Variants in HYDIN observed in about 807,000 individuals in gnomAD.
HYDIN encodes HYDIN axonemal central pair apparatus protein, also known as axonemal central pair apparatus protein HYDIN.
HYDIN carries 132 observed loss-of-function variants against 403.9 expected under a neutral mutation model. That is an observed-to-expected ratio of 0.33 (90% CI 0.28 to 0.38). The LOEUF is 0.38. Ranked by LOEUF, HYDIN falls within the 10% of genes least tolerant of loss-of-function variation. HYDIN has a pLI of 1.00. For missense variants in HYDIN, 2,827 were observed against 5,009.5 expected, an observed-to-expected ratio of 0.56 and a Z score of 13.15; for synonymous variants, 1,202 against 1,891.7, an observed-to-expected ratio of 0.64 and a Z score of 9.46.
intron 76 of HYDIN, among the ~76,000 whole-genome samples, chr16:70,838,493 G>C (rs1246468471): frequency 6.6e-6 from 1 of 152,006 alleles, no homozygotes; most frequent in Non-Finnish European, 1.5e-5. Context: ...CCTGATTCTC[G>C]ATTTCTTGAT....
At chr16:71,191,715 G>A (rs1277706041) in intron 1 of HYDIN, among the ~76,000 whole-genome samples, 1 of 151,982 alleles carries the variant, frequency 6.6e-6, no homozygotes, top group Non-Finnish European at 1.5e-5. Context: ...TGCCATTCTA[G>A]AGGGTTTATC....
chr16:70,812,020 A>C (rs1355687341), intron 84 of HYDIN, among the ~76,000 whole-genome samples: 33 of 95,914 alleles, frequency 3.4e-4, no homozygotes, highest in African/African-American at 1.3e-3. Context: ...GGATGAAAGA[A>C]TACTAGTATT....
chr16:71,067,695 G>A (rs1202865662), intron 14 of HYDIN, among the ~76,000 whole-genome samples: 11 of 151,950 alleles, frequency 7.2e-5, no homozygotes, highest in African/African-American at 7.3e-5. Context: ...GAGCAACATC[G>A]AACCAACTTT....
intron 2 of HYDIN, among the ~76,000 whole-genome samples, 198 bp from the exon 3 acceptor site, chr16:71,185,188 G>A (rs572824471): frequency 2.6e-5 from 4 of 152,150 alleles, no homozygotes; most frequent in East Asian, 1.9e-4. Context: ...GTCTTTGCAC[G>A]GTAATTGAAA....
intron 18 of HYDIN, among the ~76,000 whole-genome samples, chr16:71,058,337 G>A (rs1253823542): frequency 7.3e-6 from 1 of 136,236 alleles, no homozygotes; most frequent in African/African-American, 2.7e-5. Flanking sequence ...GTAAACTATC[G>A]CAAGAACAAA....
intron 18 of HYDIN, among the ~76,000 whole-genome samples, chr16:71,051,117 A>G (rs1421389241): frequency 6.6e-6 from 1 of 151,390 alleles, no homozygotes; most frequent in Non-Finnish European, 1.5e-5. Flanking sequence ...AAATAATAGT[A>G]TATTATAATT....
At chr16:71,226,214 C>A (rs1306610333) in intron 1 of HYDIN, among the ~76,000 whole-genome samples, 2 of 152,280 alleles carry the variant, frequency 1.3e-5, no homozygotes, top group South Asian at 2.1e-4. Flanking sequence ...ACTGGTAGTT[C>A]ATTTGAGAAA....
At chr16:71,056,136 T>G (rs1318680564) in intron 18 of HYDIN, among the ~76,000 whole-genome samples, 1 of 150,056 alleles carries the variant, frequency 6.7e-6, no homozygotes, top group Non-Finnish European at 1.5e-5. Context: ...TGTTTTTTTT[T>G]TTTTTTTTTT....
chr16:71,227,414 C>G (rs896058227), intron 1 of HYDIN, among the ~76,000 whole-genome samples: 2 of 151,984 alleles, frequency 1.3e-5, no homozygotes, highest in South Asian at 4.2e-4. Flanking sequence ...TCTAGGAAAC[C>G]CCATCTTCTC....
intron 83 of HYDIN, among the ~76,000 whole-genome samples, chr16:70,825,151 C>T (rs1191583651): frequency 1.3e-5 from 2 of 152,228 alleles, no homozygotes; most frequent in Non-Finnish European, 2.9e-5. Flanking sequence ...CAATCATTCT[C>T]ACTCTGAAAT....
chr16:70,884,885 C>A (rs1455800111), intron 58 of HYDIN, among the ~76,000 whole-genome samples: 3 of 152,264 alleles, frequency 2.0e-5, no homozygotes, highest in Non-Finnish European at 4.4e-5. Context: ...TTTCCTAGAA[C>A]AGAATGTCCT....
chr16:71,163,347 T>C lies in HYDIN; in HGVS notation c.517-617A>G, dbSNP rs546528560. Among the ~76,000 whole-genome samples, 22 of 152,230 alleles carry C rather than the reference T, an allele frequency of 1.4e-4. No individual in the cohort carries two copies. The South Asian group carries it at 1.5e-3, about 10-fold the overall frequency. ...CCATGTTAGCCAGGATGGGTCTTGA[T>C]ATCCTGACCTCGTGATCCGCCTGCC... is the stretch of plus-strand genomic sequence containing the variant. On this transcript the variant is annotated intron_variant, in intron 5 of 85. Coordinates refer to ENST00000393567, the MANE Select transcript of HYDIN (RefSeq NM_001270974.2).
intron 1 of HYDIN, among the ~76,000 whole-genome samples, chr16:71,203,064 G>A (rs1288221549): frequency 1.3e-5 from 2 of 152,148 alleles, no homozygotes; most frequent in Non-Finnish European, 2.9e-5. Context: ...GAATTTAAAG[G>A]TATTGGTAGC....
In HYDIN at chr16:71,043,942, A is replaced by AAG. The variant is rs77323675; in HGVS notation, c.2530-12027_2530-12026dup. Among the ~76,000 whole-genome samples, 1,463 of 149,336 alleles carry AAG rather than the reference A, an allele frequency of 9.8e-3. 33 individuals carry two copies. The highest frequency in any genetic ancestry group is 0.071 in the East Asian group (360 of 5,084). On this transcript the variant is annotated intron_variant, in intron 18 of 85. Transcript: ENST00000393567. The stretch of plus-strand genomic sequence containing the variant: ...CATCTAAAAAAAAAAGAAAGAAAGA[A>AAG]AGAGAGAGAGAGAGAGAGGGAGAGG...
At chr16:71,179,934 C>G (rs921092749) in intron 3 of HYDIN, among the ~76,000 whole-genome samples, 1 of 152,244 alleles carries the variant, frequency 6.6e-6, no homozygotes, top group Admixed American at 6.5e-5. Context: ...CACCTTGGCA[C>G]ACAGTTTGAA....
At chr16:71,011,476 G>GT (rs1295630631) in intron 23 of HYDIN, among the ~76,000 whole-genome samples, 1 of 151,858 alleles carries the variant, frequency 6.6e-6, no homozygotes, top group African/African-American at 2.4e-5. Flanking sequence ...GGAGACTGAG[G>GT]TAGGAGGATC....
intron 5 of HYDIN, among the ~76,000 whole-genome samples, chr16:71,172,900 T>C (rs1431586120): frequency 1.3e-5 from 2 of 152,196 alleles, no homozygotes; most frequent in South Asian, 2.1e-4. Context: ...ATGACTTTTA[T>C]TTTTCCTAAA....
chr16:71,205,074 T>C (rs1227380096), intron 1 of HYDIN, among the ~76,000 whole-genome samples: 1 of 152,234 alleles, frequency 6.6e-6, no homozygotes, highest in Non-Finnish European at 1.5e-5. Flanking sequence ...CATTTGCTGA[T>C]CCAGAAAAAT....
chr16:71,163,254 C>T (rs993184931), intron 5 of HYDIN, among the ~76,000 whole-genome samples: 2 of 151,836 alleles, frequency 1.3e-5, no homozygotes, highest in African/African-American at 4.8e-5. Flanking sequence ...TCCCGAGTAG[C>T]TGGGACTAGA....
Sources: allele counts gnomAD v4.1 joint callset (sites outside exome capture counted in the v4.1 genomes callset), GRCh38; gene constraint gnomAD v4.1.1; transcripts MANE v1.5; gene names NCBI Gene and HGNC (gene_info 2026-07-23, HGNC 2026-07-21).